The following RAB2B variants were observed in gnomAD, a reference collection of about 807,000 sequenced individuals.
The protein encoded by RAB2B is RAB2B, member RAS oncogene family.
In RAB2B, 20 loss-of-function variants were observed where a neutral mutation model predicts 29.8. That is an observed-to-expected ratio of 0.67 (90% CI 0.47 to 0.97). RAB2B has a LOEUF of 0.97. RAB2B is among the 50% of genes least tolerant of loss of function. RAB2B has a pLI of 0.00. For synonymous variants in RAB2B, 93 were observed against 91.7 expected, an observed-to-expected ratio of 1.01 and a Z score of -0.08; for missense variants, 218 against 272.0, an observed-to-expected ratio of 0.80 and a Z score of 1.40.
intron 3 of RAB2B, among the ~76,000 whole-genome samples, chr14:21,472,623 A>G (rs1242164766): frequency 6.6e-6 from 1 of 152,242 alleles, no homozygotes; most frequent in Non-Finnish European, 1.5e-5. Flanking sequence ...TTTAGCAAAT[A>G]TTAATCTCAA....
rs527742993 is a variant in RAB2B at position 21,476,936 on chromosome 14, T to C, written c.-64A>G. The C allele has an allele frequency of 1.3e-6, 2 of 1,542,012 alleles. No individual in the cohort carries two copies. The highest frequency in any genetic ancestry group is 3.3e-5 in the Admixed American group (2 of 59,824). Reference sequence around the variant, plus strand: ...TATAGCCACTTACCTCCGACCTCTCTAGCCACTCAATCTACCGATCTTCTT... The same window carrying C: ...TATAGCCACTTACCTCCGACCTCTCCAGCCACTCAATCTACCGATCTTCTT... On this transcript the variant is annotated 5_prime_UTR_variant, in exon 1 of 8. Transcript: ENST00000397762.
In RAB2B at chr14:21,461,022, T is replaced by C. The variant is rs939121120; in HGVS notation, c.*174A>G. 1.4e-5 allele frequency: 7 copies of C among 515,260 alleles called. No individual in the cohort carries two copies. Among genetic ancestry groups the C allele is most frequent in the Non-Finnish European group, 2.4e-5 (7 of 285,892 alleles). The allele number at this position is 515,260 out of a possible 1,614,324, so 31.9% of individuals were successfully genotyped here. ...AATCTATAGGGAATGCTCATGTCCCTGAAGGAGGACAGGTCAGTAAGGGCC... is the reference window on the plus strand; with the variant it reads ...AATCTATAGGGAATGCTCATGTCCCCGAAGGAGGACAGGTCAGTAAGGGCC... On this transcript the variant is annotated 3_prime_UTR_variant, in exon 8 of 8. Transcript: ENST00000397762.
chr14:21,468,855 A>G (rs941342342), intron 3 of RAB2B, 103 bp from the exon 4 acceptor site: 8 of 601,800 alleles, frequency 1.3e-5, no homozygotes, highest in African/African-American at 1.9e-5. Context: ...TTAACTAAAA[A>G]AAGAATTTCT....
Position 21,459,450 on chromosome 14 carries a change from T to C in RAB2B, c.*1746A>G, listed in dbSNP as rs763065752. ...AATAAACCTTAAGTTTTTAACTATGTCAGTCAAATTCAATGAACACATAAT... is the reference window on the plus strand; with the variant it reads ...AATAAACCTTAAGTTTTTAACTATGCCAGTCAAATTCAATGAACACATAAT... On this transcript the variant is annotated 3_prime_UTR_variant, in exon 8 of 8. Transcript: ENST00000397762. 2 of 152,128 alleles carry C rather than the reference T, an allele frequency of 1.3e-5. No homozygotes were observed. The highest frequency in any genetic ancestry group is 6.6e-5 in the Admixed American group (1 of 15,262). The allele number at this position is 152,128 out of a possible 1,614,324, so 9.4% of individuals were successfully genotyped here. A position where few individuals can be genotyped will look rare whatever the true frequency, so the allele number is the denominator to read the frequency against.
chr14:21,466,296 T>A (rs1890686192), intron 5 of RAB2B, among the ~76,000 whole-genome samples: 1 of 151,994 alleles, frequency 6.6e-6, no homozygotes, highest in Non-Finnish European at 1.5e-5. Context: ...ACCAGCCTGA[T>A]CAACATGGAG....
Position 21,463,776 on chromosome 14 carries a change from G to C in RAB2B, c.363-9C>G. 1 of 1,511,938 alleles carries C rather than the reference G, an allele frequency of 6.6e-7. No individual in the cohort carries two copies. Among genetic ancestry groups the C allele is most frequent in the Non-Finnish European group, 9.1e-7 (1 of 1,103,930 alleles). 93.7% of individuals were successfully genotyped at this position (1,511,938 alleles called of 1,614,324 possible). On this transcript the variant is annotated splice_polypyrimidine_tract_variant and intron_variant, in intron 5 of 7. Transcript: ENST00000397762. ...TGCGGGACTCTAGGTCACTGCAAGA[G>C]ATTAATTAAGGAGAAAATTTAAAAA...
At chr14:21,463,342 G>T (rs1363858541) in intron 6 of RAB2B, among the ~76,000 whole-genome samples, 1 of 151,458 alleles carries the variant, frequency 6.6e-6, no homozygotes, top group African/African-American at 2.4e-5. Context: ...CGCCTCCTGG[G>T]TTCAAGCAAT....
At chr14:21,470,871 C>T (rs1890791504) in intron 3 of RAB2B, among the ~76,000 whole-genome samples, 1 of 151,966 alleles carries the variant, frequency 6.6e-6, no homozygotes, top group African/African-American at 2.4e-5. Flanking sequence ...AATCACTCAC[C>T]AGGCGCAGTG....
chr14:21,474,628 T>G, intron 3 of RAB2B: 1 of 455,822 alleles, frequency 2.2e-6, no homozygotes. Flanking sequence ...ATTCTATAAA[T>G]TTATATTGTT....
At chr14:21,468,631 A>T (rs747704320) in intron 4 of RAB2B, 39 bp downstream of exon 4, 2 of 1,455,798 alleles carry the variant, frequency 1.4e-6, no homozygotes, top group South Asian at 2.7e-5. Context: ...TAGAGGATTT[A>T]GGGAAGAATC....
At position 21,468,236 on chromosome 14, in the gene RAB2B, A is replaced by C. The variant is rs887672168; in HGVS notation, c.362+121T>G. On this transcript the variant is annotated intron_variant, in intron 5 of 7. Transcript: ENST00000397762. ...TGTGTCATATATATTTTATCACAACAAAATTTTTTTTTTTTACTGAAACAC... is the reference window on the plus strand; with the variant it reads ...TGTGTCATATATATTTTATCACAACCAAATTTTTTTTTTTTACTGAAACAC... 2.1e-5 allele frequency: 15 copies of C among 705,940 alleles called. No homozygotes were observed. In the African/African-American group the frequency reaches 2.8e-4, roughly 13 times the overall value. 43.7% of individuals were successfully genotyped at this position (705,940 alleles called of 1,614,324 possible).
intron 5 of RAB2B, among the ~76,000 whole-genome samples, chr14:21,464,762 G>A (rs1890648130): frequency 6.6e-6 from 1 of 152,208 alleles, no homozygotes; most frequent in Non-Finnish European, 1.5e-5. Context: ...CCAGCACTGT[G>A]GGAGGCTGAG....
intron 4 of RAB2B, 68 bp downstream of exon 4, chr14:21,468,602 A>AG: frequency 1.6e-6 from 2 of 1,283,552 alleles, no homozygotes; most frequent in East Asian, 4.7e-5. Context: ...ATCAGTAGAT[A>AG]GAAAAAAAAA....
chr14:21,468,473 TGG>T, intron 4 of RAB2B, 24 bp from the exon 5 acceptor site: 1 of 1,604,628 alleles, frequency 6.2e-7, no homozygotes, highest in Non-Finnish European at 8.5e-7. Flanking sequence ...ATTTAGAATG[TGG>T]GTCAGAGACA....
intron 3 of RAB2B, among the ~76,000 whole-genome samples, chr14:21,471,788 G>A (rs1890823873): frequency 6.6e-6 from 1 of 150,436 alleles, no homozygotes; most frequent in South Asian, 2.1e-4. Context: ...TGATTCTCCT[G>A]CCTCAGCCTC....
chr14:21,460,226 G>C lies in RAB2B; in HGVS notation c.*970C>G, dbSNP rs781091836. 2.9e-5 allele frequency: 15 copies of C among 518,956 alleles called. No individual in the cohort carries two copies. In the Middle Eastern group the frequency reaches 1.6e-3, roughly 55 times the overall value. 32.1% of individuals were successfully genotyped at this position (518,956 alleles called of 1,614,324 possible). On this transcript the variant is annotated 3_prime_UTR_variant, in exon 8 of 8. Transcript: ENST00000397762. ...AAAGGCCAACTAGATCTAGGTAATT[G>C]CAAGTGTTCAAATAGAATGTCTTTG...
At chr14:21,476,686 C>T (rs756580045) in intron 1 of RAB2B, 87 bp from the exon 2 acceptor site, 5 of 1,608,512 alleles carry the variant, frequency 3.1e-6, no homozygotes, top group Non-Finnish European at 3.4e-6. Flanking sequence ...AGGGGGGCTC[C>T]CGAGCCCCGC....
chr14:21,469,982 C>T (rs1404885521), intron 3 of RAB2B, among the ~76,000 whole-genome samples: 1 of 143,298 alleles, frequency 7.0e-6, no homozygotes, highest in Admixed American at 7.1e-5. Flanking sequence ...GAGGGAGTCT[C>T]GCTCTGTTGC....
rs1379891373 is a variant in RAB2B, at chr14:21,468,351, T to A, written c.362+6A>T. The A allele has an allele frequency of 1.2e-6, 2 of 1,608,664 alleles. No individual in the cohort carries two copies. Among genetic ancestry groups the A allele is most frequent in the East Asian group, 4.5e-5 (2 of 44,852 alleles). ...TTAACTATTATTCACATGGATACAA[T>A]TTTACCTCTTATTCCCAATGAGCAT... is the stretch of plus-strand genomic sequence containing the variant. On this transcript the variant is annotated splice_donor_region_variant and intron_variant, in intron 5 of 7. Coordinates refer to ENST00000397762, the MANE Select transcript of RAB2B (RefSeq NM_032846.4).
Sources: gnomAD v4.1 joint callset for allele counts (sites outside exome capture counted in the v4.1 genomes callset) on GRCh38, gnomAD v4.1.1 for gene constraint, MANE v1.5 for transcripts, NCBI Gene and HGNC (gene_info 2026-07-23, HGNC 2026-07-21) for gene names.